SLC4A10: variants seen among roughly 807,000 people sequenced by gnomAD.
The protein encoded by SLC4A10 is sodium-driven chloride bicarbonate exchanger.
A neutral mutation model predicts 137.7 loss-of-function variants in SLC4A10; 42 were observed. The observed-to-expected ratio is 0.30, with a 90% CI of 0.24 to 0.39. The LOEUF is 0.39. SLC4A10 is among the 10% of genes least tolerant of loss of function. The pLI is 1.00. For synonymous variants in SLC4A10, 474 were observed against 464.1 expected, an observed-to-expected ratio of 1.02 and a Z score of -0.27; for missense variants, 925 against 1,355.0, an observed-to-expected ratio of 0.68 and a Z score of 4.98.
At chr2:161,759,307 A>G (rs2049996974) in intron 1 of SLC4A10, among the ~76,000 whole-genome samples, 1 of 151,980 alleles carries the variant, frequency 6.6e-6, no homozygotes, top group African/African-American at 2.4e-5. Flanking sequence ...ATCAGCATAC[A>G]TAGTTACGTG....
chr2:161,779,930 G>C (rs1200687512), intron 2 of SLC4A10, among the ~76,000 whole-genome samples: 1 of 151,956 alleles, frequency 6.6e-6, no homozygotes, highest in African/African-American at 2.4e-5. Flanking sequence ...TTTGTGTATA[G>C]CTGCTTTTGC....
chr2:161,726,497 T>C (rs1468405783), intron 1 of SLC4A10, among the ~76,000 whole-genome samples: 2 of 152,112 alleles, frequency 1.3e-5, no homozygotes, highest in East Asian at 1.9e-4. Context: ...AAAGGCAGAA[T>C]GAAAATGTTA....
intron 12 of SLC4A10, among the ~76,000 whole-genome samples, chr2:161,901,636 G>A (rs1683138985): frequency 6.6e-6 from 1 of 151,972 alleles, no homozygotes. Flanking sequence ...TATAATTAAA[G>A]GCAGTTGCAA....
intron 1 of SLC4A10, among the ~76,000 whole-genome samples, chr2:161,681,955 G>T (rs2040902067): frequency 6.6e-6 from 1 of 152,084 alleles, no homozygotes; most frequent in South Asian, 2.1e-4. Flanking sequence ...TTAAAGTACA[G>T]TATACATTTA....
intron 2 of SLC4A10, among the ~76,000 whole-genome samples, chr2:161,790,454 G>C (rs1267062584): frequency 6.6e-6 from 1 of 152,068 alleles, no homozygotes; most frequent in Non-Finnish European, 1.5e-5. Flanking sequence ...GTGCAACTTA[G>C]TAGTGTTGAT....
At chr2:161,635,124 T>G (rs919105703) in intron 1 of SLC4A10, among the ~76,000 whole-genome samples, 7 of 152,064 alleles carry the variant, frequency 4.6e-5, no homozygotes, top group Non-Finnish European at 1.0e-4. Context: ...ATGCAGTCTC[T>G]CTTTTACATT....
At position 161,798,644 on chromosome 2, in the gene SLC4A10, G is replaced by A. The variant is rs571218892; in HGVS notation, c.131-5805G>A. 9.9e-5 allele frequency among the ~76,000 whole-genome samples: 15 copies of A among 151,656 alleles called. No individual in the cohort carries two copies. The East Asian group carries it at 2.5e-3, about 26-fold the overall frequency. On this transcript the variant is annotated intron_variant, in intron 2 of 26. Transcript: ENST00000446997. ...AAGATTTGTGCTCAGAAAATAATATGTACAAACCTTTGATTTTCTTAATGA... is the reference window on the plus strand; with the variant it reads ...AAGATTTGTGCTCAGAAAATAATATATACAAACCTTTGATTTTCTTAATGA...
intron 2 of SLC4A10, among the ~76,000 whole-genome samples, chr2:161,778,788 C>T (rs535901784): frequency 3.3e-5 from 5 of 151,968 alleles, no homozygotes; most frequent in South Asian, 2.1e-4. Context: ...AACTGTATTG[C>T]TTTTAGCAGA....
At chr2:161,932,008 A>G (rs942253002) in intron 15 of SLC4A10, among the ~76,000 whole-genome samples, 1 of 152,054 alleles carries the variant, frequency 6.6e-6, no homozygotes, top group Non-Finnish European at 1.5e-5. Context: ...TATTTTCCCT[A>G]TTTTGTGTTT....
intron 6 of SLC4A10, among the ~76,000 whole-genome samples, chr2:161,863,304 T>TA (rs966844104): frequency 2.6e-5 from 4 of 152,218 alleles, no homozygotes; most frequent in African/African-American, 7.2e-5. Context: ...TAATATTTAA[T>TA]AAAAAAACTT....
intron 15 of SLC4A10, among the ~76,000 whole-genome samples, chr2:161,915,404 G>A (rs1391219822): frequency 6.6e-6 from 1 of 151,822 alleles, no homozygotes; most frequent in African/African-American, 2.4e-5. Flanking sequence ...CATGACTTGA[G>A]TTTTGAATGA....
intron 1 of SLC4A10, among the ~76,000 whole-genome samples, chr2:161,713,112 G>T (rs1011772445): frequency 2.6e-5 from 4 of 151,762 alleles, no homozygotes; most frequent in Non-Finnish European, 2.9e-5. Context: ...AGGTAGGGAG[G>T]CAGAAAGCAA....
intron 1 of SLC4A10, among the ~76,000 whole-genome samples, chr2:161,627,804 G>A (rs778004397): frequency 1.1e-4 from 17 of 152,086 alleles, no homozygotes; most frequent in Non-Finnish European, 2.2e-4. Flanking sequence ...TACAGAAAAA[G>A]TGTGTCAGAA....
chr2:161,760,667 C>G (rs898373491), intron 1 of SLC4A10, among the ~76,000 whole-genome samples: 1 of 152,056 alleles, frequency 6.6e-6, no homozygotes, highest in Non-Finnish European at 1.5e-5. Flanking sequence ...GCTCAAGTGT[C>G]TCTTTCAGTG....
In SLC4A10 at chr2:161,879,421, T is replaced by C. The variant is rs986616690; in HGVS notation, c.1106+133T>C. 3.2e-6 allele frequency: 3 copies of C among 944,754 alleles called. No individual in the cohort carries two copies. In the African/African-American group the frequency reaches 5.0e-5, roughly 16 times the overall value. The allele number at this position is 944,754 out of a possible 1,614,324, so 58.5% of individuals were successfully genotyped here. A position where few individuals can be genotyped will look rare whatever the true frequency, so the allele number is the denominator to read the frequency against. On this transcript the variant is annotated intron_variant, in intron 9 of 26. Coordinates refer to ENST00000446997, the MANE Select transcript of SLC4A10 (RefSeq NM_001178015.2). ...GTGAAATCCACAAAACTACTATTAA[T>C]TTTTGTTTGTGGAGGAGGGGAAAAG...
At chr2:161,883,143 G>T (rs1042206958) in intron 10 of SLC4A10, among the ~76,000 whole-genome samples, 2 of 152,080 alleles carry the variant, frequency 1.3e-5, no homozygotes, top group Non-Finnish European at 2.9e-5. Flanking sequence ...ATGGAAATTT[G>T]TTGTTATTGT....
At chr2:161,957,882 G>A (rs1371179775) in intron 20 of SLC4A10, among the ~76,000 whole-genome samples, 1 of 151,892 alleles carries the variant, frequency 6.6e-6, no homozygotes, top group Non-Finnish European at 1.5e-5. Context: ...CCTATAATTT[G>A]ACATTTTAAT....
chr2:161,709,365 A>G (rs2044040567), intron 1 of SLC4A10, among the ~76,000 whole-genome samples: 1 of 151,670 alleles, frequency 6.6e-6, no homozygotes, highest in Non-Finnish European at 1.5e-5. Context: ...CTTTGTCAGC[A>G]TCTGACCTAT....
chr2:161,809,416 T>C (rs1018404579), intron 3 of SLC4A10, among the ~76,000 whole-genome samples: 4 of 152,140 alleles, frequency 2.6e-5, no homozygotes, highest in African/African-American at 9.7e-5. Flanking sequence ...TTTGTTTCAA[T>C]TGCTTTTGGA....
Sources: allele counts gnomAD v4.1 joint callset (sites outside exome capture counted in the v4.1 genomes callset), GRCh38; gene constraint gnomAD v4.1.1; transcripts MANE v1.5; gene names NCBI Gene and HGNC (gene_info 2026-07-23, HGNC 2026-07-21).